Variants in MTMR3 observed in about 807,000 individuals in gnomAD.
MTMR3 encodes phosphatidylinositol-3,5-bisphosphate 3-phosphatase MTMR3.
In MTMR3, 32 loss-of-function variants were observed where a neutral mutation model predicts 132.4. The observed-to-expected ratio is 0.24, with a 90% CI of 0.18 to 0.32. The LOEUF is 0.32. Among genes scored for constraint, MTMR3 ranks in the 10% least tolerant of loss-of-function variants. MTMR3 has a pLI of 1.00. For missense variants in MTMR3, 1,216 were observed against 1,489.6 expected (o/e 0.82, Z 3.02); for synonymous variants, 556 against 550.3 (o/e 1.01, Z -0.14).
intron 3 of MTMR3, among the ~76,000 whole-genome samples, chr22:29,973,819 G>A (rs3747150): frequency 0.35 from 53,515 of 151,878 alleles, 10,410 homozygotes; most frequent in East Asian, 0.71. Flanking sequence ...GGCTGGTCTC[G>A]AACTCCTGAC....
intron 6 of MTMR3, chr22:29,988,889 G>A (rs1569038072): frequency 6.1e-6 from 1 of 163,814 alleles, no homozygotes; most frequent in African/African-American, 2.4e-5. Flanking sequence ...AGGCGTGTGT[G>A]TATGTGTGTG....
chr22:29,967,688 C>T (rs2066455571), intron 2 of MTMR3, among the ~76,000 whole-genome samples: 1 of 152,066 alleles, frequency 6.6e-6, no homozygotes, highest in East Asian at 1.9e-4. Context: ...GTACCTTGTA[C>T]CCATTAGCAG....
intron 1 of MTMR3, among the ~76,000 whole-genome samples, chr22:29,953,590 T>A (rs2066125042): frequency 6.6e-6 from 1 of 152,240 alleles, no homozygotes; most frequent in African/African-American, 2.4e-5. Context: ...TGCATGATGA[T>A]ATCCAATACT....
At chr22:30,016,391 G>C in intron 14 of MTMR3, 137 bp from the exon 15 acceptor site, 1 of 952,606 alleles carries the variant, frequency 1.0e-6, no homozygotes. Context: ...GCTACTGCAT[G>C]GCTTACTGGG....
At chr22:29,986,284 C>CA (rs774960706) in intron 5 of MTMR3, 2 of 152,268 alleles carry the variant, frequency 1.3e-5, no homozygotes, top group Non-Finnish European at 2.9e-5. Context: ...GATTAGAACT[C>CA]ACGGCTCTTA....
At chr22:29,898,184 A>G (rs2189802) in intron 1 of MTMR3, among the ~76,000 whole-genome samples, 53,551 of 151,960 alleles carry the variant, frequency 0.35, 10,407 homozygotes, top group East Asian at 0.71. Flanking sequence ...AGTCATATGA[A>G]TGAATAGTAC....
rs142594827 is a variant in MTMR3, at chr22:29,979,206, G to A, written c.210+154G>A. ...CTTAATTTAGCACTCAAGGAACACT[G>A]GCTTGGCCAGGCGCGGTGGCTCACG... On this transcript the variant is annotated intron_variant, in intron 5 of 19. Coordinates refer to ENST00000401950, the MANE Select transcript of MTMR3 (RefSeq NM_021090.4). 909 of 566,072 alleles carry A rather than the reference G, an allele frequency of 1.6e-3. 8 individuals carry two copies. The highest frequency in any genetic ancestry group is 0.015 in the African/African-American group (808 of 52,580). The allele number at this position is 566,072 out of a possible 1,614,324, so 35.1% of individuals were successfully genotyped here.
chr22:29,975,843 C>T (rs557609276), intron 3 of MTMR3, among the ~76,000 whole-genome samples: 40 of 152,302 alleles, frequency 2.6e-4, no homozygotes, highest in Non-Finnish European at 4.6e-4. Context: ...TGGGCTCAAG[C>T]GATCTGCCCA....
chr22:29,975,661 C>T (rs911927344), intron 3 of MTMR3, among the ~76,000 whole-genome samples: 4 of 152,218 alleles, frequency 2.6e-5, no homozygotes, highest in African/African-American at 9.7e-5. Context: ...ACCGTAGTGG[C>T]GCAATCACAG....
chr22:30,002,991 C>T lies in MTMR3; in HGVS notation c.669C>T (p.Tyr223=). ...RSWKRIPAVI[Y]RHQSNGAVIA... is the part of the protein sequence containing the mutation. Reference sequence around the variant, plus strand: ...GGAAGCGCATCCCTGCCGTCATCTACAGGTAAGTTAAACTGGACCAGTCCC... The same window carrying T: ...GGAAGCGCATCCCTGCCGTCATCTATAGGTAAGTTAAACTGGACCAGTCCC... Residue 223 remains tyrosine (Y), a splice_region_variant and synonymous_variant, in exon 9 of 20, where the codon TAC becomes TAT. Coordinates refer to ENST00000401950, the MANE Select transcript of MTMR3 (RefSeq NM_021090.4). 1 of 1,613,148 alleles carries T rather than the reference C, an allele frequency of 6.2e-7. No homozygotes were observed. The highest frequency in any genetic ancestry group is 8.5e-7 in the Non-Finnish European group (1 of 1,179,106).
intron 13 of MTMR3, chr22:30,012,796 C>T: frequency 2.5e-6 from 1 of 404,736 alleles, no homozygotes; most frequent in East Asian, 3.9e-5. Context: ...GACATATTTT[C>T]CTTTACAGTC....
At position 30,020,621 on chromosome 22, in the gene MTMR3, A is replaced by T. The variant is rs2067719908; in HGVS notation, c.2962A>T (p.Asn988Tyr). 6.2e-6 allele frequency: 10 copies of T among 1,614,078 alleles called. No individual in the cohort carries two copies. The highest frequency in any genetic ancestry group is 1.7e-5 in the Admixed American group (1 of 60,002). ...CAGCTCTGCCCACTTACACTCAAGG[A>T]ACTTGCACCACAAGTGGCTGCATAG... ...SCSSAHLHSR[N>Y]LHHKWLHSHS... The change falls in exon 17 of 20, where the codon AAC becomes TAC. Residue 988 changes from asparagine (N) to tyrosine (Y), a missense_variant. By Grantham distance (143) the Asn-to-Tyr change is moderately radical. Coordinates refer to ENST00000401950, the MANE Select transcript of MTMR3 (RefSeq NM_021090.4).
chr22:30,008,907 G>A, intron 11 of MTMR3, 111 bp from the exon 12 acceptor site: 6 of 695,420 alleles, frequency 8.6e-6, no homozygotes, highest in Middle Eastern at 2.7e-4. Context: ...TTTCAGTTTC[G>A]TTAATCAGAA....
At chr22:29,914,617 T>C (rs891556832) in intron 1 of MTMR3, among the ~76,000 whole-genome samples, 1 of 152,310 alleles carries the variant, frequency 6.6e-6, no homozygotes, top group East Asian at 1.9e-4. Flanking sequence ...TATTTTTTTT[T>C]TCTTTTTGAG....
rs940816481 is a variant in MTMR3 at position 29,949,224 on chromosome 22, A to G, written c.-137-7812A>G. Reference sequence around the variant, plus strand: ...GCACGCGCGCCAGGCGTGGTGGCTCATGCCTGTAATCCCAGCACTTTGGGA... The same window carrying G: ...GCACGCGCGCCAGGCGTGGTGGCTCGTGCCTGTAATCCCAGCACTTTGGGA... On this transcript the variant is annotated intron_variant, in intron 1 of 19. Coordinates refer to ENST00000401950, the MANE Select transcript of MTMR3 (RefSeq NM_021090.4). 2.2e-5 allele frequency among the ~76,000 whole-genome samples: 3 copies of G among 139,390 alleles called. No homozygotes were observed. In the East Asian group the frequency reaches 7.1e-4, roughly 33 times the overall value. The allele number at this position is 139,390 out of a possible 152,430, so 91.4% of individuals were successfully genotyped here. A position where few individuals can be genotyped will look rare whatever the true frequency, so the allele number is the denominator to read the frequency against.
intron 3 of MTMR3, among the ~76,000 whole-genome samples, chr22:29,975,154 G>C (rs2145878901): frequency 6.6e-6 from 1 of 152,240 alleles, no homozygotes; most frequent in South Asian, 2.1e-4. Context: ...AGCTCTGATG[G>C]TTTCCAGACC....
chr22:29,966,905 TG>T (rs1195798164), intron 2 of MTMR3, among the ~76,000 whole-genome samples: 1 of 152,152 alleles, frequency 6.6e-6, no homozygotes, highest in African/African-American at 2.4e-5. Context: ...CTCTTCAAAT[TG>T]ACTCCCAATT....
At chr22:29,896,339 A>G (rs1485627044) in intron 1 of MTMR3, among the ~76,000 whole-genome samples, 3 of 152,122 alleles carry the variant, frequency 2.0e-5, no homozygotes, top group Non-Finnish European at 4.4e-5. Flanking sequence ...AAACTTTTTC[A>G]CCTTTCCAGT....
At chr22:29,944,881 T>C (rs1033411730) in intron 1 of MTMR3, among the ~76,000 whole-genome samples, 1 of 152,254 alleles carries the variant, frequency 6.6e-6, no homozygotes, top group East Asian at 1.9e-4. Context: ...GATATTTCAG[T>C]CATTGATTCA....
Sources: allele counts gnomAD v4.1 joint callset (sites outside exome capture counted in the v4.1 genomes callset), GRCh38; gene constraint gnomAD v4.1.1; transcripts MANE v1.5; gene names NCBI Gene and HGNC (gene_info 2026-07-23, HGNC 2026-07-21).